DPP10: variants seen among roughly 807,000 people sequenced by gnomAD.
The protein encoded by DPP10 is dipeptidyl peptidase like 10.
A neutral mutation model predicts 120.9 loss-of-function variants in DPP10; 33 were observed. The observed-to-expected ratio is 0.27, with a 90% CI of 0.21 to 0.37. The LOEUF (loss-of-function observed/expected upper bound fraction) is 0.37, where lower values mean the gene tolerates loss of function less well. DPP10 is among the 10% of genes least tolerant of loss of function. The pLI, the probability that DPP10 is intolerant of heterozygous loss-of-function variation, is 1.00. For missense variants in DPP10, 816 were observed against 942.8 expected (o/e 0.87, Z 1.76); for synonymous variants, 337 against 326.1 (o/e 1.03, Z -0.36).
intron 1 of DPP10, among the ~76,000 whole-genome samples, chr2:114,953,280 T>G (rs1372361217): frequency 6.6e-6 from 1 of 152,154 alleles, no homozygotes; most frequent in East Asian, 1.9e-4. Flanking sequence ...ATAAGGCACT[T>G]AGTTAAAATT....
chr2:114,715,021 AT>A (rs1479191919), intron 1 of DPP10, among the ~76,000 whole-genome samples: 2 of 152,164 alleles, frequency 1.3e-5, no homozygotes, highest in Non-Finnish European at 2.9e-5. Context: ...GTGTATTAAT[AT>A]TATGTCACAT....
Position 114,527,518 on chromosome 2 carries a change from C to T in DPP10, c.60+84680C>T, listed in dbSNP as rs767847523. ...CCAGAAGTTACTGTATCTAGTTTGACAGTATTAACATTTATGGCACATAGT... is the reference window on the plus strand; with the variant it reads ...CCAGAAGTTACTGTATCTAGTTTGATAGTATTAACATTTATGGCACATAGT... On this transcript the variant is annotated intron_variant, in intron 1 of 25. Coordinates refer to ENST00000410059, the MANE Select transcript of DPP10 (RefSeq NM_020868.6). Among the ~76,000 whole-genome samples, 29 of 152,040 alleles carry T rather than the reference C, an allele frequency of 1.9e-4. 1 individual carries two copies. The highest frequency in any genetic ancestry group is 2.8e-4 in the Non-Finnish European group (19 of 68,006).
intron 1 of DPP10, among the ~76,000 whole-genome samples, chr2:115,183,955 C>G (rs568469027): frequency 6.6e-6 from 1 of 152,102 alleles, no homozygotes; most frequent in Non-Finnish European, 1.5e-5. Context: ...TTGCAGAGCT[C>G]CTGGGGGAGA....
intron 1 of DPP10, among the ~76,000 whole-genome samples, chr2:114,911,222 A>G (rs1694344293): frequency 6.6e-6 from 1 of 151,964 alleles, no homozygotes; most frequent in Non-Finnish European, 1.5e-5. Flanking sequence ...TTTGTCTTTT[A>G]TAAGTGTCTT....
rs188955807 is a variant in DPP10 at position 114,557,123 on chromosome 2, G to A, written c.60+114285G>A. ...GAACAATATGTAATCATAAAGAGGT[G>A]AGAAAAGTGTGGATGAATGCTGTGG... On this transcript the variant is annotated intron_variant, in intron 1 of 25. Coordinates refer to ENST00000410059, the MANE Select transcript of DPP10 (RefSeq NM_020868.6). Among the ~76,000 whole-genome samples the A allele has an allele frequency of 5.4e-4, 82 of 151,986 alleles. 2 individuals carry two copies. The South Asian group carries it at 0.017, about 31-fold the overall frequency.
At chr2:114,781,987 TAA>T (rs1361937152) in intron 1 of DPP10, among the ~76,000 whole-genome samples, 1 of 152,108 alleles carries the variant, frequency 6.6e-6, no homozygotes. Flanking sequence ...TTTTATTCTT[TAA>T]ATGTCGTACA....
chr2:115,478,264 G>A (rs956709613), intron 3 of DPP10, among the ~76,000 whole-genome samples: 60 of 152,170 alleles, frequency 3.9e-4, no homozygotes, highest in African/African-American at 1.3e-3. Context: ...TCAAATATGT[G>A]GTTAACTTAT....
intron 7 of DPP10, among the ~76,000 whole-genome samples, chr2:115,717,344 C>T (rs1249008480): frequency 2.6e-5 from 4 of 151,898 alleles, no homozygotes; most frequent in Admixed American, 6.6e-5. Flanking sequence ...GTAACCTGCA[C>T]GTTGTGCACA....
intron 1 of DPP10, among the ~76,000 whole-genome samples, chr2:115,166,149 TTAAA>T (rs2052822223): frequency 6.6e-6 from 1 of 152,182 alleles, no homozygotes; most frequent in Non-Finnish European, 1.5e-5. Flanking sequence ...GCAAACCAGA[TTAAA>T]TATTCAAACA....
chr2:114,608,291 AC>A (rs1377950022), intron 1 of DPP10, among the ~76,000 whole-genome samples: 1 of 152,178 alleles, frequency 6.6e-6, no homozygotes, highest in Non-Finnish European at 1.5e-5. Flanking sequence ...AAGCTGACAT[AC>A]TTACCACTAA....
Position 115,727,848 on chromosome 2 carries a change from A to T in DPP10, c.609A>T (p.Gln203His). The T allele has an allele frequency of 6.2e-7, 1 of 1,601,612 alleles. No homozygotes were observed. Among genetic ancestry groups the T allele is most frequent in the Non-Finnish European group, 8.5e-7 (1 of 1,175,926 alleles). Residue 203 changes from glutamine (Q) to histidine (H), a missense_variant, in exon 8 of 26, where the codon CAA becomes CAT. Gln to His is a conservative substitution (Grantham distance 24). Transcript: ENST00000410059. The part of the protein sequence containing the change: ...IYIFENNIYY[Q>H]PDIKSSSLRL... ...TTTTTGAAAATAATATCTACTATCA[A>T]CCTGATATAAAGAGCAGTTCATTGC...
chr2:114,589,098 A>AG (rs1691248977), intron 1 of DPP10, among the ~76,000 whole-genome samples: 1 of 151,852 alleles, frequency 6.6e-6, no homozygotes, highest in African/African-American at 2.4e-5. Flanking sequence ...ATTTTATTGT[A>AG]GCACCTTACT....
intron 5 of DPP10, among the ~76,000 whole-genome samples, chr2:115,652,244 C>G (rs1024154716): frequency 1.3e-5 from 2 of 151,816 alleles, no homozygotes; most frequent in African/African-American, 4.8e-5. Flanking sequence ...ACCCATTTTA[C>G]AGAGGACAGA....
In DPP10 at chr2:115,780,894, T is replaced by C. The variant is rs758649588; in HGVS notation, c.1382T>C (p.Leu461Ser). The part of the protein sequence containing the change: ...QLYSASTEGL[L>S]NRQCISCNFM... Reference sequence around the variant, plus strand: ...TCCAGTGCTTCTACTGAAGGATTATTGAATCGCCAATGCATTTCATGTAAT... The same window carrying C: ...TCCAGTGCTTCTACTGAAGGATTATCGAATCGCCAATGCATTTCATGTAAT... The change falls in exon 16 of 26, where the codon TTG becomes TCG. Residue 461 changes from leucine (L) to serine (S), a missense_variant. This residue lies in a region of DPP10 where 592 missense variants were observed against 649.0 expected (regional missense o/e 0.91). Coordinates refer to ENST00000410059, the MANE Select transcript of DPP10 (RefSeq NM_020868.6). The C allele has an allele frequency of 5.5e-5, 89 of 1,603,724 alleles. No homozygotes were observed. The highest frequency in any genetic ancestry group is 7.4e-5 in the Non-Finnish European group (87 of 1,173,560).
At chr2:114,686,378 A>G (rs941235046) in intron 1 of DPP10, among the ~76,000 whole-genome samples, 1 of 151,976 alleles carries the variant, frequency 6.6e-6, no homozygotes, top group Non-Finnish European at 1.5e-5. Context: ...GTTCCAGCAA[A>G]CCAAAACAAA....
chr2:115,301,542 T>C (rs1209901159), intron 1 of DPP10, among the ~76,000 whole-genome samples: 1 of 150,904 alleles, frequency 6.6e-6, no homozygotes, highest in Non-Finnish European at 1.5e-5. Flanking sequence ...TGCCGTGAAA[T>C]GTCCTACCTT....
chr2:115,516,801 C>G (rs1196805058), intron 4 of DPP10, among the ~76,000 whole-genome samples: 1 of 151,812 alleles, frequency 6.6e-6, no homozygotes, highest in Non-Finnish European at 1.5e-5. Flanking sequence ...AAAAACTCTT[C>G]CAAATCAATT....
chr2:115,802,122 G>T (rs1292993803), intron 19 of DPP10, among the ~76,000 whole-genome samples: 1 of 152,120 alleles, frequency 6.6e-6, no homozygotes, highest in Non-Finnish European at 1.5e-5. Flanking sequence ...CCTGTTATTG[G>T]TCTATTCAGA....
intron 1 of DPP10, among the ~76,000 whole-genome samples, chr2:114,502,847 T>A (rs1683317912): frequency 6.6e-6 from 1 of 152,222 alleles, no homozygotes. Context: ...AAATGTATGA[T>A]TTCTATGCAA....
Sources: gnomAD v4.1 joint callset for allele counts (sites outside exome capture counted in the v4.1 genomes callset) on GRCh38, gnomAD v4.1.1 for gene constraint, gnomAD v4.1.1 regional missense constraint, MANE v1.5 for transcripts, NCBI Gene and HGNC (gene_info 2026-07-23, HGNC 2026-07-21) for gene names.